The following FAM83G variants were observed in gnomAD, a reference collection of about 807,000 sequenced individuals.
FAM83G encodes protein FAM83G.
A neutral mutation model predicts 61.5 loss-of-function variants in FAM83G; 38 were observed. The ratio of observed to expected loss-of-function variants is 0.62; its 90% confidence interval spans 0.48 to 0.81. The LOEUF is 0.81. Ranked by LOEUF, FAM83G falls within the 30% of genes least tolerant of loss-of-function variation. The pLI, the probability that FAM83G is intolerant of heterozygous loss-of-function variation, is 0.00. For synonymous variants in FAM83G, 470 were observed against 476.1 expected (o/e 0.99, Z 0.17); for missense variants, 989 against 1,133.6 (o/e 0.87, Z 1.83).
Position 18,978,139 on chromosome 17 carries a change from T to C in FAM83G, c.1527A>G (p.Thr509=). ...GGGCTAGTACATCTGCCACAGGGACTGTCCGGGGCTTGGGCACGGGGGGCA... is the reference window on the plus strand; with the variant it reads ...GGGCTAGTACATCTGCCACAGGGACCGTCCGGGGCTTGGGCACGGGGGGCA... ...EPLPPVPKPR[T]VPVADVLARD... is the part of the protein sequence containing the mutation. Residue 509 remains threonine, a synonymous_variant, in exon 5 of 6, where the codon ACA becomes ACG. Coordinates refer to ENST00000388995, the MANE Select transcript of FAM83G (RefSeq NM_001039999.3). 1 of 1,520,426 alleles carries C rather than the reference T, an allele frequency of 6.6e-7. No homozygotes were observed. The highest frequency in any genetic ancestry group is 8.8e-7 in the Non-Finnish European group (1 of 1,138,998). 94.2% of individuals were successfully genotyped at this position (1,520,426 alleles called of 1,614,324 possible).
intron 4 of FAM83G, 143 bp downstream of exon 4, chr17:18,979,406 G>A (rs761269037): frequency 9.4e-6 from 9 of 959,680 alleles, no homozygotes; most frequent in Admixed American, 5.6e-5. Flanking sequence ...ACAGACAGGC[G>A]GGCAGATGTG....
chr17:19,005,273 G>A (rs780886887), upstream of FAM83G, among the ~76,000 whole-genome samples: 4 of 152,204 alleles, frequency 2.6e-5, no homozygotes, highest in Non-Finnish European at 5.9e-5. Context: ...TCTGGGAGGG[G>A]TCCCCGGACT....
intron 2 of FAM83G, 111 bp from the exon 3 acceptor site, chr17:18,988,525 C>G: frequency 1.3e-6 from 2 of 1,525,580 alleles, no homozygotes; most frequent in Non-Finnish European, 1.8e-6. Context: ...CAGGTGCCCA[C>G]TCTGGCCCTA....
At chr17:18,987,883 G>A (rs1467689904) in intron 3 of FAM83G, among the ~76,000 whole-genome samples, 3 of 152,212 alleles carry the variant, frequency 2.0e-5, no homozygotes, top group African/African-American at 7.2e-5. Context: ...GAAAGGCCAC[G>A]AGCTACCTGA....
At chr17:19,005,844 TG>T (rs2043871962), upstream of FAM83G, among the ~76,000 whole-genome samples, 1 of 152,164 alleles carries the variant, frequency 6.6e-6, no homozygotes, top group Non-Finnish European at 1.5e-5. Flanking sequence ...TAGTGGCCCC[TG>T]GGGAACAGGC....
intron 2 of FAM83G, among the ~76,000 whole-genome samples, chr17:18,992,726 G>A (rs1431258320): frequency 6.6e-6 from 1 of 152,222 alleles, no homozygotes; most frequent in Non-Finnish European, 1.5e-5. Flanking sequence ...CAAAGGAGAA[G>A]GTGGACAAGA....
Position 19,004,187 on chromosome 17 carries a change from T to G in FAM83G, c.-128-18A>C, listed in dbSNP as rs1056362845. The stretch of plus-strand genomic sequence containing the variant: ...TGAGCAATCTGCGGGAAAGACCTGA[T>G]GAGCCCGGCTCGGCGGGGAGGGCGG... On this transcript the variant is annotated intron_variant, in intron 1 of 5. Coordinates refer to ENST00000388995, the MANE Select transcript of FAM83G (RefSeq NM_001039999.3). The surrounding 1 kb of genome is among the most constrained non-coding windows in gnomAD (Gnocchi z 5.4). 9.7e-6 allele frequency: 5 copies of G among 518,124 alleles called. No individual in the cohort carries two copies. The highest frequency in any genetic ancestry group is 2.7e-5 in the South Asian group (1 of 37,172). 32.1% of individuals were successfully genotyped at this position (518,124 alleles called of 1,614,324 possible). A position where few individuals can be genotyped will look rare whatever the true frequency, so the allele number is the denominator to read the frequency against.
chr17:18,993,354 G>A lies in FAM83G; in HGVS notation c.523-4940C>T, dbSNP rs148248995. ...CCTGTCGTCACTCTGGCCTGTCTGG[G>A]TTGAGCGTGTATCACTTGCGTATTT... On this transcript the variant is annotated intron_variant, in intron 2 of 5. Transcript: ENST00000388995. Among the ~76,000 whole-genome samples, 299 of 152,314 alleles carry A rather than the reference G, an allele frequency of 2.0e-3. 1 individual carries two copies. The highest frequency in any genetic ancestry group is 6.7e-3 in the African/African-American group (279 of 41,568).
Position 18,978,557 on chromosome 17 carries a change from G to A in FAM83G, c.1109C>T (p.Ala370Val). Residue 370 changes from alanine (A) to valine (V), a missense_variant, in exon 5 of 6, where the codon GCC (alanine) becomes GTC (valine). Ala to Val is a moderately conservative substitution (Grantham distance 64). This residue lies in a region of FAM83G where 574 missense variants were observed against 645.1 expected (regional missense o/e 0.89). Coordinates refer to ENST00000388995, the MANE Select transcript of FAM83G (RefSeq NM_001039999.3). The stretch of plus-strand genomic sequence containing the variant: ...GCCTTTCAGCCCCAGGGGCTTCTTG[G>A]CCTCCTGCTTCTCAGAGGAGATCTT... ...IAKISSEKQE[A>V]KKPLGLKGPA... 6.2e-7 allele frequency: 1 copy of A among 1,613,148 alleles called. No homozygotes were observed. Among genetic ancestry groups the A allele is most frequent in the African/African-American group, 1.3e-5 (1 of 74,880 alleles).
chr17:18,982,683 A>G (rs1467490212), intron 3 of FAM83G, among the ~76,000 whole-genome samples: 31 of 152,110 alleles, frequency 2.0e-4, no homozygotes, highest in Admixed American at 2.0e-3. Context: ...CCTGCCCCCA[A>G]TCCCCCCAGG....
chr17:18,992,239 G>A (rs1057454193), intron 2 of FAM83G, among the ~76,000 whole-genome samples: 4 of 152,082 alleles, frequency 2.6e-5, no homozygotes, highest in Non-Finnish European at 5.9e-5. Flanking sequence ...CCTGTGTCTC[G>A]AATCCCCCAC....
chr17:18,971,879 T>C lies in FAM83G; in HGVS notation c.2083-131A>G. The C allele has an allele frequency of 1.0e-6, 1 of 957,390 alleles. No individual in the cohort carries two copies. Among genetic ancestry groups the C allele is most frequent in the Non-Finnish European group, 1.5e-6 (1 of 659,324 alleles). 59.3% of individuals were successfully genotyped at this position (957,390 alleles called of 1,614,324 possible). On this transcript the variant is annotated intron_variant, in intron 5 of 5. Coordinates refer to ENST00000388995, the MANE Select transcript of FAM83G (RefSeq NM_001039999.3). This position sits in a 1 kb window ranked among gnomAD's most constrained non-coding sequence, Gnocchi z 5.5. Reference sequence around the variant, plus strand: ...CCTGGCTCTGCCATTCACCAGGGAGTGGGCCTAGACCAGTTGGTTTAGTCA... The same window carrying C: ...CCTGGCTCTGCCATTCACCAGGGAGCGGGCCTAGACCAGTTGGTTTAGTCA...
rs770584417 is a variant in FAM83G, at chr17:18,978,400, G to A, written c.1266C>T (p.Gly422=). 7 of 1,590,444 alleles carry A rather than the reference G, an allele frequency of 4.4e-6. No homozygotes were observed. The Admixed American group carries it at 1.1e-4, about 25-fold the overall frequency. The stretch of plus-strand genomic sequence containing the variant: ...TATTGATGTAGCCCAGGATGTCGCT[G>A]CCAGGCTCCGGGTCTGGCTCCACCC... ...PTWVEPDPEP[G]SDILGYINII... Residue 422 remains glycine, a synonymous_variant, in exon 5 of 6, where the codon GGC becomes GGT. Coordinates refer to ENST00000388995, the MANE Select transcript of FAM83G (RefSeq NM_001039999.3).
chr17:18,990,252 C>A (rs146170982), intron 2 of FAM83G, among the ~76,000 whole-genome samples: 16 of 152,114 alleles, frequency 1.1e-4, no homozygotes, highest in Non-Finnish European at 1.9e-4. Flanking sequence ...CTGCTTGGAG[C>A]GGGGGTAGAT....
In FAM83G at chr17:18,976,481, G is replaced by C. The variant is rs533836627; in HGVS notation, c.2082+1103C>G. On this transcript the variant is annotated intron_variant, in intron 5 of 5. Transcript: ENST00000388995. Reference sequence around the variant, plus strand: ...TCCTGGCACTATAAATGTGCCAGCTGCTGTCATGAGGGTCCAGGAGATGAG... The same window carrying C: ...TCCTGGCACTATAAATGTGCCAGCTCCTGTCATGAGGGTCCAGGAGATGAG... 3.2e-4 allele frequency: 61 copies of C among 190,318 alleles called. No individual in the cohort carries two copies. In the East Asian group the frequency reaches 7.3e-3, roughly 23 times the overall value. 11.8% of individuals were successfully genotyped at this position (190,318 alleles called of 1,614,324 possible). A position where few individuals can be genotyped will look rare whatever the true frequency, so the allele number is the denominator to read the frequency against.
Position 19,003,751 on chromosome 17 carries a change from G to A in FAM83G, c.291C>T (p.Asp97=), listed in dbSNP as rs759973213. The A allele has an allele frequency of 1.9e-5, 30 of 1,605,464 alleles. 1 individual carries two copies. In the South Asian group the frequency reaches 3.3e-4, roughly 18 times the overall value. ...CATCCGCCCCGCTGGCTTCCTCGCC[G>A]TCGCCGACCCCATTGTCCTCGGGCC... ...SQGPEDNGVG[D]GEEASGADGV... The change falls in exon 2 of 6, where the codon GAC becomes GAT. Residue 97 remains aspartate, a synonymous_variant. Coordinates refer to ENST00000388995, the MANE Select transcript of FAM83G (RefSeq NM_001039999.3). The surrounding 1 kb of genome is among the most constrained non-coding windows in gnomAD (Gnocchi z 4.5).
Position 18,971,406 on chromosome 17 carries a change from C to T in FAM83G, c.2425G>A (p.Asp809Asn), listed in dbSNP as rs748816161. Reference sequence around the variant, plus strand: ...GGGGCTTGAGCCCTCCGTTTAGAATCCGATGAGGCCCACTGGCTACCGCCC... The same window carrying T: ...GGGGCTTGAGCCCTCCGTTTAGAATTCGATGAGGCCCACTGGCTACCGCCC... Reference protein sequence around the residue: ...RTGGSQWASSDSKRRAQAPRD... With the variant: ...RTGGSQWASSNSKRRAQAPRD... Residue 809 changes from aspartate (D) to asparagine (N), a missense_variant, in exon 6 of 6, where the codon GAT becomes AAT. This residue lies in a region of FAM83G where 574 missense variants were observed against 645.1 expected (regional missense o/e 0.89). Transcript: ENST00000388995. The surrounding 1 kb of genome is among the most constrained non-coding windows in gnomAD (Gnocchi z 5.5). The T allele has an allele frequency of 8.1e-5, 130 of 1,613,648 alleles. No homozygotes were observed. The highest frequency in any genetic ancestry group is 2.5e-4 in the East Asian group (11 of 44,888).
In FAM83G at chr17:18,978,601, C is replaced by G. The variant is rs1363915983; in HGVS notation, c.1065G>C (p.Lys355Asn). Reference protein sequence around the residue: ...VNPKYALVKAKSVDEIAKISS... With the variant: ...VNPKYALVKANSVDEIAKISS... ...AGATCTTGGCAATCTCGTCGACGCT[C>G]TTGGCCTTGACAAGTGCGTACTTGG... The change falls in exon 5 of 6, where the codon AAG becomes AAC. Residue 355 changes from lysine (K) to asparagine (N), a missense_variant. Physicochemically the swap from Lys to Asn is moderately conservative, Grantham distance 94. Coordinates refer to ENST00000388995, the MANE Select transcript of FAM83G (RefSeq NM_001039999.3). The G allele has an allele frequency of 1.2e-6, 2 of 1,613,122 alleles. No individual in the cohort carries two copies. The highest frequency in any genetic ancestry group is 2.7e-5 in the African/African-American group (2 of 74,902).
chr17:18,991,513 G>A (rs892439211), intron 2 of FAM83G, among the ~76,000 whole-genome samples: 3 of 152,170 alleles, frequency 2.0e-5, no homozygotes, highest in Non-Finnish European at 2.9e-5. Flanking sequence ...GGAAATGAGA[G>A]GGGAGGCTGA....
Sources: gnomAD v4.1 joint callset for allele counts (sites outside exome capture counted in the v4.1 genomes callset) on GRCh38, gnomAD v4.1.1 for gene constraint, gnomAD v4.1.1 regional missense constraint, Gnocchi (gnomAD v3.1) non-coding constraint, MANE v1.5 for transcripts, NCBI Gene and HGNC (gene_info 2026-07-23, HGNC 2026-07-21) for gene names.